The following TGIF1 variants were observed in gnomAD, a reference collection of about 807,000 sequenced individuals.
TGIF1 encodes homeobox protein TGIF1.
TGIF1 carries 4 observed loss-of-function variants against 19.3 expected under a neutral mutation model. The observed-to-expected ratio is 0.21, with a 90% confidence interval of 0.10 to 0.47. The LOEUF (loss-of-function observed/expected upper bound fraction) is 0.47. Among genes scored for constraint, TGIF1 ranks in the 20% least tolerant of loss-of-function variants. The pLI is 0.98. For synonymous variants in TGIF1, 122 were observed against 129.3 expected (o/e 0.94, Z 0.38); for missense variants, 275 against 341.4 (o/e 0.81, Z 1.53).
chr18:3,451,141 C>T lies in TGIF1; in HGVS notation c.16+636C>T, dbSNP rs1301536594. 6.6e-6 allele frequency among the ~76,000 whole-genome samples: 1 copy of T among 152,134 alleles called. No individual in the cohort carries two copies. Among genetic ancestry groups the T allele is most frequent in the African/African-American group, 2.4e-5 (1 of 41,420 alleles). On this transcript the variant is annotated intron_variant, in intron 1 of 2. Coordinates refer to ENST00000343820, the MANE Select transcript of TGIF1 (RefSeq NM_003244.4). This position sits in a 1 kb window ranked among gnomAD's most constrained non-coding sequence, Gnocchi z 5.4. ...AAATCCCCAGTCTCTAAAAGTTTTCCCACGATGAATTTTGGGGCAGGAGGA... is the reference window on the plus strand; with the variant it reads ...AAATCCCCAGTCTCTAAAAGTTTTCTCACGATGAATTTTGGGGCAGGAGGA...
At chr18:3,433,051 G>T (rs549132713) in intron 2 of TGIF1, among the ~76,000 whole-genome samples, 2 of 151,436 alleles carry the variant, frequency 1.3e-5, no homozygotes, top group African/African-American at 2.4e-5. Context: ...GAGCCACTGC[G>T]CCTGGCCTTC....
At position 3,450,402 on chromosome 18, in the gene TGIF1, T is replaced by G; in HGVS notation, c.-88T>G. The G allele has an allele frequency of 6.5e-7, 1 of 1,548,326 alleles. No individual in the cohort carries two copies. The highest frequency in any genetic ancestry group is 1.2e-5 in the South Asian group (1 of 83,850). Reference sequence around the variant, plus strand: ...CTACAAGTTACGGGAGAGTCGGCTGTGAAGGAGACGTTCGCTTATCCCCTG... The same window carrying G: ...CTACAAGTTACGGGAGAGTCGGCTGGGAAGGAGACGTTCGCTTATCCCCTG... On this transcript the variant is annotated 5_prime_UTR_variant, in exon 1 of 3. Coordinates refer to ENST00000343820, the MANE Select transcript of TGIF1 (RefSeq NM_003244.4).
chr18:3,446,343 C>T (rs1393197997), upstream of TGIF1, among the ~76,000 whole-genome samples: 1 of 152,120 alleles, frequency 6.6e-6, no homozygotes, highest in African/African-American at 2.4e-5. Flanking sequence ...GCCACCACGC[C>T]CGGCTAATTT....
At chr18:3,445,743 A>G (rs2082734414), upstream of TGIF1, among the ~76,000 whole-genome samples, 3 of 128,744 alleles carry the variant, frequency 2.3e-5, no homozygotes, top group African/African-American at 9.3e-5. Context: ...AAAAAAAAAA[A>G]AAAAAAAAAA....
chr18:3,448,087 G>C, upstream of TGIF1: 1 of 962,866 alleles, frequency 1.0e-6, no homozygotes, highest in Middle Eastern at 5.3e-4. Context: ...GGGGGAGGTA[G>C]GGTTAAACCG....
chr18:3,445,723 C>CAAAAAAAAAAAA (rs141550400), upstream of TGIF1, among the ~76,000 whole-genome samples: 10 of 17,678 alleles, frequency 5.7e-4, no homozygotes, highest in Non-Finnish European at 8.4e-4. Flanking sequence ...GACTCTGTCT[C>CAAAAAAAAAAAA]AAAAAAAAAA....
chr18:3,450,400 T>A lies in TGIF1; in HGVS notation c.-90T>A. The A allele has an allele frequency of 6.5e-7, 1 of 1,547,876 alleles. No homozygotes were observed. Among genetic ancestry groups the A allele is most frequent in the South Asian group, 1.2e-5 (1 of 83,842 alleles). ...TCCTACAAGTTACGGGAGAGTCGGCTGTGAAGGAGACGTTCGCTTATCCCC... is the reference window on the plus strand; with the variant it reads ...TCCTACAAGTTACGGGAGAGTCGGCAGTGAAGGAGACGTTCGCTTATCCCC... On this transcript the variant is annotated 5_prime_UTR_variant, in exon 1 of 3. Coordinates refer to ENST00000343820, the MANE Select transcript of TGIF1 (RefSeq NM_003244.4).
At chr18:3,445,819 A>C (rs1358502588), upstream of TGIF1, among the ~76,000 whole-genome samples, 2 of 149,208 alleles carry the variant, frequency 1.3e-5, no homozygotes. Context: ...GCTTCTTGTA[A>C]AACTGGAGGT....
chr18:3,428,023 A>C (rs993692241), intron 2 of TGIF1, among the ~76,000 whole-genome samples: 3 of 152,230 alleles, frequency 2.0e-5, no homozygotes, highest in African/African-American at 7.2e-5. Flanking sequence ...CATGAGGTTA[A>C]AACTATTTTC....
Position 3,458,342 on chromosome 18 carries a change from T to C in TGIF1, c.*402T>C, listed in dbSNP as rs1249749265. On this transcript the variant is annotated 3_prime_UTR_variant, in exon 3 of 3. Coordinates refer to ENST00000343820, the MANE Select transcript of TGIF1 (RefSeq NM_003244.4). ...TAATTAATAAATTTTCCATTTTTTTTCAAACAAGTATGAATCTAGTTGGTT... is the reference window on the plus strand; with the variant it reads ...TAATTAATAAATTTTCCATTTTTTTCCAAACAAGTATGAATCTAGTTGGTT... The C allele has an allele frequency of 5.8e-6, 1 of 171,684 alleles. No homozygotes were observed. The highest frequency in any genetic ancestry group is 1.3e-5 in the Non-Finnish European group (1 of 79,890). The allele number at this position is 171,684 out of a possible 1,614,324, so 10.6% of individuals were successfully genotyped here. A position where few individuals can be genotyped will look rare whatever the true frequency, so the allele number is the denominator to read the frequency against.
intron 2 of TGIF1, among the ~76,000 whole-genome samples, chr18:3,429,147 T>A (rs2143180681): frequency 6.6e-6 from 1 of 152,266 alleles, no homozygotes; most frequent in South Asian, 2.1e-4. Context: ...GCCTCAAACT[T>A]CTGGGCTCAA....
chr18:3,434,920 A>G (rs999329698), intron 2 of TGIF1, among the ~76,000 whole-genome samples: 2 of 152,164 alleles, frequency 1.3e-5, no homozygotes, highest in Non-Finnish European at 2.9e-5. Flanking sequence ...AAGCCAAGTA[A>G]AATAGCTGAC....
intron 2 of TGIF1, among the ~76,000 whole-genome samples, chr18:3,430,526 G>C (rs531616738): frequency 6.6e-6 from 1 of 151,722 alleles, no homozygotes. Context: ...TTTTTGAGAC[G>C]AAGTCTTGCT....
chr18:3,430,691 T>G lies in TGIF1; in HGVS notation c.-45+12476T>G, dbSNP rs77104830. Among the ~76,000 whole-genome samples the G allele has an allele frequency of 3.2e-3, 471 of 149,334 alleles. 8 individuals carry two copies. The highest frequency in any genetic ancestry group is 0.01 in the African/African-American group (427 of 40,736). ...GGCTAATTTTTTTTTTTTTTTTTTT[T>G]GGTAGAGATAGGGTCTTGCCATGTT... On this transcript the variant is annotated intron_variant, in intron 2 of 3. Coordinates refer to the TGIF1 transcript ENST00000401449.
At chr18:3,415,919 A>G (rs543253619) in intron 1 of TGIF1, among the ~76,000 whole-genome samples, 2 of 152,350 alleles carry the variant, frequency 1.3e-5, no homozygotes, top group Admixed American at 6.5e-5. Flanking sequence ...CTCTGTGTGG[A>G]CTTTAGAGTT....
Position 3,457,647 on chromosome 18 carries a change from A to G in TGIF1, c.526A>G (p.Thr176Ala), listed in dbSNP as rs771838191. 18 of 1,614,080 alleles carry G rather than the reference A, an allele frequency of 1.1e-5. No homozygotes were observed. The highest frequency in any genetic ancestry group is 1.4e-5 in the Non-Finnish European group (16 of 1,180,048). The change falls in exon 3 of 3, where the codon ACC becomes GCC. Residue 176 changes from threonine to alanine, a missense_variant. Transcript: ENST00000343820. This position sits in a 1 kb window ranked among gnomAD's most constrained non-coding sequence, Gnocchi z 4.9. ...GGCTCGTCCATCAGTGATCTGCCAT[A>G]CCACTGTGACTGCATTGAAAGATGT... Reference protein sequence around the residue: ...VLARPSVICHTTVTALKDVPF... With the variant: ...VLARPSVICHATVTALKDVPF...
Position 3,458,440 on chromosome 18 carries a change from G to T in TGIF1, c.*500G>T. ...TTGTAATTCAGAGTATTTCTGTTGA[G>T]GGAGGTGCTTCTTAAAAATAAGTAG... On this transcript the variant is annotated 3_prime_UTR_variant, in exon 3 of 3. Transcript: ENST00000343820. 1 of 166,502 alleles carries T rather than the reference G, an allele frequency of 6.0e-6. No individual in the cohort carries two copies. The highest frequency in any genetic ancestry group is 2.4e-5 in the African/African-American group (1 of 41,540). 10.3% of individuals were successfully genotyped at this position (166,502 alleles called of 1,614,324 possible).
At position 3,457,670 on chromosome 18, in the gene TGIF1, T is replaced by C; in HGVS notation, c.549T>C (p.Asp183=). Residue 183 remains aspartate (D), a synonymous_variant, in exon 3 of 3, where the codon GAT becomes GAC. Coordinates refer to ENST00000343820, the MANE Select transcript of TGIF1 (RefSeq NM_003244.4). This position sits in a 1 kb window ranked among gnomAD's most constrained non-coding sequence, Gnocchi z 4.9. The stretch of plus-strand genomic sequence containing the variant: ...ATACCACTGTGACTGCATTGAAAGA[T>C]GTCCCTTTCTCTCTCTGCCAGTCGG... ...ICHTTVTALK[D]VPFSLCQSVG... is the part of the protein sequence containing the mutation. 1 of 1,614,242 alleles carries C rather than the reference T, an allele frequency of 6.2e-7. No homozygotes were observed. Among genetic ancestry groups the C allele is most frequent in the African/African-American group, 1.3e-5 (1 of 75,056 alleles).
At chr18:3,452,045 G>A in intron 1 of TGIF1, 5 of 1,613,236 alleles carry the variant, frequency 3.1e-6, no homozygotes, top group Non-Finnish European at 4.2e-6. Flanking sequence ...GCTCCGGCGG[G>A]GGCGGCTCTG....
Sources: gnomAD v4.1 joint callset for allele counts (sites outside exome capture counted in the v4.1 genomes callset) on GRCh38, gnomAD v4.1.1 for gene constraint, Gnocchi (gnomAD v3.1) non-coding constraint, MANE v1.5 for transcripts, NCBI Gene and HGNC (gene_info 2026-07-23, HGNC 2026-07-21) for gene names.